Variants in KCNIP1 observed in about 807,000 individuals in gnomAD.
The protein encoded by KCNIP1 is A-type potassium channel modulatory protein KCNIP1.
KCNIP1 carries 18 observed loss-of-function variants against 33.0 expected under a neutral mutation model. The observed-to-expected ratio is 0.55, with a 90% CI of 0.38 to 0.81. KCNIP1 has a LOEUF of 0.81. Ranked by LOEUF, KCNIP1 falls within the 30% of genes least tolerant of loss-of-function variation. KCNIP1 has a pLI of 0.00. For synonymous variants in KCNIP1, 93 were observed against 98.3 expected (o/e 0.95, Z 0.32); for missense variants, 238 against 271.6 (o/e 0.88, Z 0.87).
At chr5:170,416,053 G>A (rs1230844232) in intron 1 of KCNIP1, among the ~76,000 whole-genome samples, 1 of 152,064 alleles carries the variant, frequency 6.6e-6, no homozygotes, top group Non-Finnish European at 1.5e-5. Context: ...AGTGAGGGGT[G>A]CAAACTCAGT....
intron 1 of KCNIP1, among the ~76,000 whole-genome samples, chr5:170,569,913 A>T (rs546146799): frequency 2.8e-4 from 43 of 152,330 alleles, no homozygotes; most frequent in South Asian, 4.1e-4. Context: ...GCATGGAGCG[A>T]GCCTAAAAAT....
intron 1 of KCNIP1, among the ~76,000 whole-genome samples, chr5:170,516,065 G>A (rs977218259): frequency 2.0e-5 from 3 of 152,194 alleles, no homozygotes; most frequent in African/African-American, 7.2e-5. Flanking sequence ...AACAGAAAGA[G>A]GATGCCATCA....
upstream of KCNIP1, among the ~76,000 whole-genome samples, chr5:170,502,592 G>T (rs1163821216): frequency 6.6e-6 from 1 of 152,166 alleles, no homozygotes; most frequent in South Asian, 2.1e-4. Flanking sequence ...TGAGCCTTGG[G>T]TCTGTCTGTG....
chr5:170,714,390 GA>G (rs1486452460), intron 1 of KCNIP1, among the ~76,000 whole-genome samples: 2 of 152,214 alleles, frequency 1.3e-5, no homozygotes, highest in African/African-American at 4.8e-5. Flanking sequence ...ATTGCTCAAC[GA>G]CTTAGGACTC....
chr5:170,686,206 C>T (rs1762532021), intron 1 of KCNIP1, among the ~76,000 whole-genome samples: 1 of 152,098 alleles, frequency 6.6e-6, no homozygotes, highest in African/African-American at 2.4e-5. Flanking sequence ...TGAAATGAAC[C>T]TGCTTTGTAG....
intron 1 of KCNIP1, among the ~76,000 whole-genome samples, chr5:170,574,660 T>A (rs1178007189): frequency 6.6e-6 from 1 of 152,236 alleles, no homozygotes; most frequent in East Asian, 1.9e-4. Context: ...CATTTTCCAA[T>A]CCACTTATTC....
chr5:170,432,461 A>T (rs1755766573), intron 1 of KCNIP1, among the ~76,000 whole-genome samples: 1 of 152,238 alleles, frequency 6.6e-6, no homozygotes, highest in Non-Finnish European at 1.5e-5. Flanking sequence ...GGACACAATA[A>T]GAATGCTAGC....
intron 5 of KCNIP1, among the ~76,000 whole-genome samples, chr5:170,729,687 A>T (rs1257886792): frequency 6.6e-6 from 1 of 152,104 alleles, no homozygotes; most frequent in Admixed American, 6.5e-5. Context: ...ACAATGAATT[A>T]TCACTTATCT....
At chr5:170,358,566 G>T (rs1373587112) in intron 1 of KCNIP1, among the ~76,000 whole-genome samples, 1 of 152,190 alleles carries the variant, frequency 6.6e-6, no homozygotes, top group Non-Finnish European at 1.5e-5. Flanking sequence ...CCCAAGCCAA[G>T]GCTCCCCACT....
At chr5:170,367,043 G>A (rs963253976) in intron 1 of KCNIP1, among the ~76,000 whole-genome samples, 5 of 152,180 alleles carry the variant, frequency 3.3e-5, no homozygotes, top group Non-Finnish European at 1.5e-5. Context: ...GTGCAGTCTG[G>A]CACGGTGGCT....
At chr5:170,475,915 C>T (rs1756848356) in intron 1 of KCNIP1, among the ~76,000 whole-genome samples, 2 of 152,084 alleles carry the variant, frequency 1.3e-5, no homozygotes, top group South Asian at 4.2e-4. Context: ...ACAAGTGGCC[C>T]ATGCTTTTTC....
At chr5:170,465,093 G>T (rs557610523) in intron 1 of KCNIP1, among the ~76,000 whole-genome samples, 2 of 152,182 alleles carry the variant, frequency 1.3e-5, no homozygotes, top group Non-Finnish European at 2.9e-5. Context: ...TCAGGAACAT[G>T]AGCACTGGGA....
At chr5:170,723,657 TG>T (rs67270836) in intron 5 of KCNIP1, among the ~76,000 whole-genome samples, 20,729 of 152,084 alleles carry the variant, frequency 0.14, 1,807 homozygotes, top group African/African-American at 0.25. Flanking sequence ...GCTTATTAGG[TG>T]TTCTAGGTGC....
intron 1 of KCNIP1, among the ~76,000 whole-genome samples, chr5:170,635,449 C>T (rs908552891): frequency 4.6e-5 from 7 of 152,218 alleles, no homozygotes; most frequent in African/African-American, 1.7e-4. Flanking sequence ...GGTAGCTCTC[C>T]ACCCAAGTCA....
At chr5:170,600,159 G>A (rs909272008) in intron 1 of KCNIP1, among the ~76,000 whole-genome samples, 1 of 152,174 alleles carries the variant, frequency 6.6e-6, no homozygotes, top group African/African-American at 2.4e-5. Flanking sequence ...GTTAGTAGTA[G>A]AGCTGGGACC....
chr5:170,604,929 G>A (rs1015332808), intron 1 of KCNIP1, among the ~76,000 whole-genome samples: 13 of 152,224 alleles, frequency 8.5e-5, no homozygotes, highest in Admixed American at 8.5e-4. Flanking sequence ...CACCTGTGCT[G>A]CTTCTTTCCT....
intron 1 of KCNIP1, among the ~76,000 whole-genome samples, chr5:170,599,641 G>A (rs1277806516): frequency 4.3e-5 from 2 of 46,788 alleles, no homozygotes; most frequent in Non-Finnish European, 4.0e-5. Flanking sequence ...CTAGGGGTGG[G>A]GAAGAGCGAG....
intron 5 of KCNIP1, among the ~76,000 whole-genome samples, chr5:170,724,682 C>A (rs886342679): frequency 9.9e-5 from 15 of 152,082 alleles, no homozygotes; most frequent in African/African-American, 3.6e-4. Context: ...ATTTATAATT[C>A]TACATCCAAC....
At chr5:170,694,876 A>G (rs1762839899) in intron 1 of KCNIP1, among the ~76,000 whole-genome samples, 1 of 152,232 alleles carries the variant, frequency 6.6e-6, no homozygotes, top group African/African-American at 2.4e-5. Flanking sequence ...AGAACAAATA[A>G]TTCTGAAAAA....
Sources: allele counts gnomAD v4.1 joint callset (sites outside exome capture counted in the v4.1 genomes callset), GRCh38; gene constraint gnomAD v4.1.1; transcripts MANE v1.5; gene names NCBI Gene and HGNC (gene_info 2026-07-23, HGNC 2026-07-21).